LTBP1: variants seen among roughly 807,000 people sequenced by gnomAD.
LTBP1 encodes the protein latent-transforming growth factor beta-binding protein 1.
Under a neutral mutation model 207.6 loss-of-function variants are expected in LTBP1, and 129 were observed. The ratio of observed to expected loss-of-function variants is 0.62; its 90% CI spans 0.54 to 0.72. The LOEUF (loss-of-function observed/expected upper bound fraction) is 0.72, where lower values mean the gene tolerates loss of function less well. Ranked by LOEUF, LTBP1 falls within the 30% of genes least tolerant of loss-of-function variation. The pLI, the probability that LTBP1 is intolerant of heterozygous loss-of-function variation, is 0.00. For synonymous variants in LTBP1, 963 were observed against 833.7 expected, an observed-to-expected ratio of 1.16 and a Z score of -2.67; for missense variants, 2,281 against 2,217.2, an observed-to-expected ratio of 1.03 and a Z score of -0.58.
chr2:33,352,235 G>T (rs1158678887), intron 26 of LTBP1, among the ~76,000 whole-genome samples: 1 of 152,070 alleles, frequency 6.6e-6, no homozygotes, highest in African/African-American at 2.4e-5. Flanking sequence ...GAGTTCAAGT[G>T]ATTCTCCTGC....
intron 12 of LTBP1, among the ~76,000 whole-genome samples, chr2:33,258,512 T>C (rs530454895): frequency 6.6e-6 from 1 of 152,166 alleles, no homozygotes; most frequent in Non-Finnish European, 1.5e-5. Flanking sequence ...ATGCTTTCAC[T>C]CACTGCATTT....
At chr2:33,219,155 A>G (rs1283118654) in intron 8 of LTBP1, among the ~76,000 whole-genome samples, 2 of 152,164 alleles carry the variant, frequency 1.3e-5, no homozygotes, top group Admixed American at 1.3e-4. Context: ...TTAGAAGACT[A>G]ACTTGTGGAA....
intron 24 of LTBP1, among the ~76,000 whole-genome samples, chr2:33,342,559 C>A (rs1015065936): frequency 5.3e-5 from 8 of 152,184 alleles, no homozygotes; most frequent in Non-Finnish European, 1.2e-4. Context: ...TAATACTGGG[C>A]GTGGCACTTG....
rs1558614240 is a variant in LTBP1 at position 33,083,827 on chromosome 2, AG to A, written c.864-26753del. 2.6e-5 allele frequency among the ~76,000 whole-genome samples: 4 copies of A among 152,328 alleles called. No individual in the cohort carries two copies. The South Asian group carries it at 6.2e-4, about 24-fold the overall frequency. Reference sequence around the variant, plus strand: ...AGTGACTGAAAAAGGAAGTTACAGAAGGTTATTCACGAAGGGAACATTCTTT... The same window carrying A: ...AGTGACTGAAAAAGGAAGTTACAGAAGTTATTCACGAAGGGAACATTCTTT... On this transcript the variant is annotated intron_variant, in intron 3 of 33. Transcript: ENST00000404816.
intron 3 of LTBP1, among the ~76,000 whole-genome samples, chr2:33,031,425 C>G (rs2075685513): frequency 6.6e-6 from 1 of 152,216 alleles, no homozygotes; most frequent in South Asian, 2.1e-4. Context: ...CAGATATTTA[C>G]TGAGTGCCAT....
rs769596854 is a variant in LTBP1, at chr2:33,398,457, T to A, written c.5078T>A (p.Leu1693Gln). ...NTDGSYKCLCLPGYVPSDKPN... is the reference protein window; with the variant it reads ...NTDGSYKCLCQPGYVPSDKPN... ...GATGGTTCCTACAAGTGTTTGTGTC[T>A]GCCAGGCTACGTGCCTTCTGACAAG... is the stretch of plus-strand genomic sequence containing the variant. Residue 1693 changes from leucine (L) to glutamine (Q), a missense_variant, in exon 34 of 34, where the codon CTG becomes CAG. Physicochemically the swap from Leu to Gln is moderately radical, Grantham distance 113. Coordinates refer to ENST00000404816, the MANE Select transcript of LTBP1 (RefSeq NM_206943.4). 5.0e-6 allele frequency: 8 copies of A among 1,614,120 alleles called. No homozygotes were observed. The Admixed American group carries it at 1.2e-4, about 24-fold the overall frequency.
Position 33,134,688 on chromosome 2 carries a change from C to T in LTBP1, c.1034-105C>T, listed in dbSNP as rs1422321697. 1 of 1,602,322 alleles carries T rather than the reference C, an allele frequency of 6.2e-7. No homozygotes were observed. ...GTGGGCTCTCTCTTTTCCCCTCTTG[C>T]TCCTTTCTTTTCTTTTTTTCTGTTT... On this transcript the variant is annotated intron_variant, in intron 4 of 33. Transcript: ENST00000404816. This position sits in a 1 kb window ranked among gnomAD's most constrained non-coding sequence, Gnocchi z 4.4.
In LTBP1 at chr2:33,343,877, G is replaced by A. The variant is rs2094665135; in HGVS notation, c.3856+914G>A. Among the ~76,000 whole-genome samples, 5 of 152,234 alleles carry A rather than the reference G, an allele frequency of 3.3e-5. 1 individual carries two copies. Among genetic ancestry groups the A allele is most frequent in the African/African-American group, 1.2e-4 (5 of 41,540 alleles). On this transcript the variant is annotated intron_variant, in intron 25 of 33. Transcript: ENST00000404816. ...ATTATGAAACATATTTGCAATTAGA[G>A]CAATTAAATGGGAAAGAGAAGAAAG...
intron 7 of LTBP1, among the ~76,000 whole-genome samples, chr2:33,193,564 T>C (rs997034196): frequency 1.3e-5 from 2 of 152,220 alleles, no homozygotes; most frequent in African/African-American, 4.8e-5. Flanking sequence ...TGTAGATAGA[T>C]ATTGTGTCTT....
At chr2:33,290,247 G>A (rs1460612562) in intron 19 of LTBP1, among the ~76,000 whole-genome samples, 1 of 152,158 alleles carries the variant, frequency 6.6e-6, no homozygotes, top group African/African-American at 2.4e-5. Flanking sequence ...TTAAAAGCAC[G>A]ACTTCCCTAT....
At chr2:33,374,206 G>T (rs888248486) in intron 31 of LTBP1, among the ~76,000 whole-genome samples, 3 of 152,198 alleles carry the variant, frequency 2.0e-5, no homozygotes, top group African/African-American at 7.2e-5. Flanking sequence ...TGTTTCCAAA[G>T]AATGTTAATA....
intron 24 of LTBP1, among the ~76,000 whole-genome samples, chr2:33,318,101 A>G (rs1388587909): frequency 6.6e-6 from 1 of 152,152 alleles, no homozygotes; most frequent in East Asian, 1.9e-4. Context: ...GGGATGCTCA[A>G]CAGGTAAGAA....
chr2:33,032,169 T>A (rs932342928), intron 3 of LTBP1, among the ~76,000 whole-genome samples: 3 of 152,216 alleles, frequency 2.0e-5, no homozygotes, highest in African/African-American at 7.2e-5. Flanking sequence ...CTTATCCTCT[T>A]TAGGAACAGG....
intron 2 of LTBP1, among the ~76,000 whole-genome samples, chr2:33,016,015 A>T (rs1192438097): frequency 3.3e-5 from 5 of 152,086 alleles, no homozygotes; most frequent in Non-Finnish European, 7.4e-5. Context: ...AACTCTGGGG[A>T]TTATAATTCA....
intron 24 of LTBP1, among the ~76,000 whole-genome samples, chr2:33,315,837 T>C (rs2094262669): frequency 6.6e-6 from 1 of 152,098 alleles, no homozygotes; most frequent in African/African-American, 2.4e-5. Context: ...CTTGGGAGGC[T>C]GAGGCAGGAG....
chr2:32,966,316 G>GT (rs1238784772), intron 2 of LTBP1, among the ~76,000 whole-genome samples: 6 of 152,042 alleles, frequency 3.9e-5, no homozygotes, highest in South Asian at 2.1e-4. Context: ...CAGGACAGAA[G>GT]TTTTTTTATT....
chr2:33,094,311 T>C (rs2079268859), intron 3 of LTBP1, among the ~76,000 whole-genome samples: 1 of 152,216 alleles, frequency 6.6e-6, no homozygotes, highest in Non-Finnish European at 1.5e-5. Context: ...TGATACTTTT[T>C]TAAAAAAATT....
At chr2:33,265,529 T>C (rs549263857) in intron 15 of LTBP1, among the ~76,000 whole-genome samples, 1 of 152,304 alleles carries the variant, frequency 6.6e-6, no homozygotes, top group African/African-American at 2.4e-5. Flanking sequence ...TATAGTATTT[T>C]TGAAGAATTT....
Position 33,397,173 on chromosome 2 carries a change from C to T in LTBP1, c.4875C>T (p.Cys1625=), listed in dbSNP as rs375470005. ...NSFEELQAEE[C]GILNGCENGR... ...TTGAGGAGTTACAGGCTGAGGAATG[C>T]GGCATCCTCAATGGATGTGAAAATG... Residue 1625 remains cysteine, a synonymous_variant, in exon 33 of 34, where the codon TGC becomes TGT. Transcript: ENST00000404816. 1.1e-5 allele frequency: 17 copies of T among 1,613,824 alleles called. No homozygotes were observed. Among genetic ancestry groups the T allele is most frequent in the African/African-American group, 6.7e-5 (5 of 74,904 alleles).
Sources: gnomAD v4.1 joint callset for allele counts (sites outside exome capture counted in the v4.1 genomes callset) on GRCh38, gnomAD v4.1.1 for gene constraint, Gnocchi (gnomAD v3.1) non-coding constraint, MANE v1.5 for transcripts, NCBI Gene and HGNC (gene_info 2026-07-23, HGNC 2026-07-21) for gene names.